HPGD: variants seen among roughly 807,000 people sequenced by gnomAD.
HPGD encodes 15-hydroxyprostaglandin dehydrogenase [NAD(+)].
In HPGD, 29 loss-of-function variants were observed where a neutral mutation model predicts 30.0. That is an observed-to-expected ratio of 0.97 (90% CI 0.72 to 1.32). The LOEUF (loss-of-function observed/expected upper bound fraction) is 1.32, where lower values mean the gene tolerates loss of function less well. Among genes scored for constraint, HPGD ranks in the 40% most tolerant of loss-of-function variants. The probability of loss-of-function intolerance (pLI) is 0.00; values close to 1 mark genes in which losing one functional copy is unlikely to be tolerated. For missense variants in HPGD, 340 were observed against 322.1 expected (o/e 1.06, Z -0.43); for synonymous variants, 99 against 112.4 (o/e 0.88, Z 0.75).
chr4:174,522,128 A>G (rs530190676), intron 1 of HPGD, 61 bp from the exon 2 acceptor site: 6 of 1,611,748 alleles, frequency 3.7e-6, no homozygotes, highest in East Asian at 2.2e-5. Flanking sequence ...CGGACAAACA[A>G]TAAACACACA....
At position 174,493,125 on chromosome 4, in the gene HPGD, AAGAAAATAGAC is replaced by A; in HGVS notation, c.662+15_662+25del. ...AATAATGCTTTGCTTCATCATTTAA[AAGAAAATAGAC>A]ATAGTTTTACTTACTCCAAAATTCC... On this transcript the variant is annotated intron_variant, in intron 6 of 6. Transcript: ENST00000296522. 1 of 1,522,726 alleles carries A rather than the reference AAGAAAATAGAC, an allele frequency of 6.6e-7. No individual in the cohort carries two copies. Among genetic ancestry groups the A allele is most frequent in the Non-Finnish European group, 9.0e-7 (1 of 1,110,406 alleles). The allele number at this position is 1,522,726 out of a possible 1,614,324, so 94.3% of individuals were successfully genotyped here. A position where few individuals can be genotyped will look rare whatever the true frequency, so the allele number is the denominator to read the frequency against.
intron 1 of HPGD, 75 bp from the exon 2 acceptor site, chr4:174,522,142 G>T: frequency 6.2e-7 from 1 of 1,605,418 alleles, no homozygotes. Context: ...ACACACAAGA[G>T]GCTCCCCTCC....
chr4:174,495,763 A>G, intron 4 of HPGD, 139 bp from the exon 5 acceptor site: 1 of 713,186 alleles, frequency 1.4e-6, no homozygotes, highest in Non-Finnish European at 2.5e-6. Flanking sequence ...ATAAAACCAG[A>G]TAGCTTTGTG....
intron 2 of HPGD, among the ~76,000 whole-genome samples, chr4:174,521,194 T>C (rs1736085686): frequency 1.3e-5 from 2 of 149,636 alleles, no homozygotes; most frequent in African/African-American, 4.9e-5. Flanking sequence ...GTAAGTTTAT[T>C]GGGGCACTCT....
intron 4 of HPGD, among the ~76,000 whole-genome samples, chr4:174,501,204 A>G (rs1734884333): frequency 6.6e-6 from 1 of 152,234 alleles, no homozygotes; most frequent in Admixed American, 6.5e-5. Flanking sequence ...TTGAAGAGCC[A>G]GATACCAGTA....
intron 3 of HPGD, among the ~76,000 whole-genome samples, chr4:174,509,898 T>A (rs895474836): frequency 1.4e-5 from 2 of 147,726 alleles, no homozygotes; most frequent in Non-Finnish European, 1.5e-5. Context: ...CTGTTTTTGT[T>A]CAAATCACTA....
intron 4 of HPGD, among the ~76,000 whole-genome samples, chr4:174,497,989 C>T (rs1033585028): frequency 6.0e-5 from 9 of 149,152 alleles, no homozygotes; most frequent in Non-Finnish European, 1.0e-4. Context: ...AGCTCTATTG[C>T]CCAGGCTGGA....
chr4:174,500,515 A>G (rs569747368), intron 4 of HPGD, among the ~76,000 whole-genome samples: 1 of 152,360 alleles, frequency 6.6e-6, no homozygotes, highest in African/African-American at 2.4e-5. Context: ...TAGTAGTTGA[A>G]TGAACAAATA....
intron 4 of HPGD, among the ~76,000 whole-genome samples, chr4:174,505,978 C>G (rs1735167204): frequency 6.6e-6 from 1 of 152,172 alleles, no homozygotes; most frequent in African/African-American, 2.4e-5. Flanking sequence ...AAAACCAAAG[C>G]AATCTTATCA....
Position 174,491,876 on chromosome 4 carries a change from A to C in HPGD, c.*80T>G. On this transcript the variant is annotated 3_prime_UTR_variant, in exon 7 of 7. Transcript: ENST00000296522. ...ACTTCAAACTGTAACATTTCATTTA[A>C]AAGCTATATTCAAATGAAGATAGGA... is the stretch of plus-strand genomic sequence containing the variant. The C allele has an allele frequency of 7.9e-7, 1 of 1,270,620 alleles. No homozygotes were observed. Among genetic ancestry groups the C allele is most frequent in the Non-Finnish European group, 1.1e-6 (1 of 872,908 alleles). 78.7% of individuals were successfully genotyped at this position (1,270,620 alleles called of 1,614,324 possible).
chr4:174,509,228 G>A (rs1392401625), intron 3 of HPGD, among the ~76,000 whole-genome samples: 2 of 152,002 alleles, frequency 1.3e-5, no homozygotes, highest in African/African-American at 4.8e-5. Context: ...TTGGATCTTG[G>A]AATATAGAAT....
chr4:174,500,311 G>C (rs1038461881), intron 4 of HPGD, among the ~76,000 whole-genome samples: 1 of 152,180 alleles, frequency 6.6e-6, no homozygotes, highest in Non-Finnish European at 1.5e-5. Context: ...TTGCTGGTGC[G>C]AATGCAAAAT....
chr4:174,508,047 C>A, intron 4 of HPGD: 1 of 687,520 alleles, frequency 1.5e-6, no homozygotes, highest in South Asian at 1.5e-5. Flanking sequence ...GTAGCCATGC[C>A]TCCTCCATGT....
At chr4:174,495,503 T>C in intron 5 of HPGD, 45 bp downstream of exon 5, 1 of 1,379,962 alleles carries the variant, frequency 7.2e-7, no homozygotes. Flanking sequence ...GTTTTATAAA[T>C]GTGTACAAAG....
intron 3 of HPGD, among the ~76,000 whole-genome samples, chr4:174,516,867 A>T (rs1735799437): frequency 6.6e-6 from 1 of 152,166 alleles, no homozygotes; most frequent in South Asian, 2.1e-4. Context: ...TAAAAAATGT[A>T]TTGACTAAGC....
At chr4:174,519,306 C>T (rs1260466704) in intron 2 of HPGD, among the ~76,000 whole-genome samples, 2 of 151,886 alleles carry the variant, frequency 1.3e-5, no homozygotes, top group East Asian at 3.9e-4. Context: ...CTCCACCTCC[C>T]GGGTTCACGC....
chr4:174,513,472 T>TA (rs1202528565), intron 3 of HPGD, among the ~76,000 whole-genome samples: 1 of 151,784 alleles, frequency 6.6e-6, no homozygotes, highest in Non-Finnish European at 1.5e-5. Flanking sequence ...TTTTTTTTTT[T>TA]ACCAGCATAA....
intron 3 of HPGD, among the ~76,000 whole-genome samples, chr4:174,514,765 C>A (rs1330560813): frequency 6.6e-6 from 1 of 152,096 alleles, no homozygotes; most frequent in Admixed American, 6.6e-5. Context: ...ACATAGAAAA[C>A]ACCATAGTCT....
chr4:174,491,791 T>C lies in HPGD; in HGVS notation c.*165A>G. 1.6e-6 allele frequency: 1 copy of C among 629,264 alleles called. No homozygotes were observed. Among genetic ancestry groups the C allele is most frequent in the Non-Finnish European group, 2.8e-6 (1 of 354,968 alleles). 39.0% of individuals were successfully genotyped at this position (629,264 alleles called of 1,614,324 possible). A position where few individuals can be genotyped will look rare whatever the true frequency, so the allele number is the denominator to read the frequency against. ...TCACATTTTTAATAGTTCATAACTT[T>C]TTATCCATATACTTAACTAAAAATT... On this transcript the variant is annotated 3_prime_UTR_variant, in exon 7 of 7. Transcript: ENST00000296522.
Sources: gnomAD v4.1 joint callset for allele counts (sites outside exome capture counted in the v4.1 genomes callset) on GRCh38, gnomAD v4.1.1 for gene constraint, MANE v1.5 for transcripts, NCBI Gene and HGNC (gene_info 2026-07-23, HGNC 2026-07-21) for gene names.